The following TTC34 variants were observed in gnomAD, a reference collection of about 807,000 sequenced individuals.
The protein encoded by TTC34 is tetratricopeptide repeat domain 34.
In TTC34, 44 loss-of-function variants were observed where a neutral mutation model predicts 40.7. The ratio of observed to expected loss-of-function variants is 1.08; its 90% CI spans 0.85 to 1.39. The LOEUF (loss-of-function observed/expected upper bound fraction) is 1.39. TTC34 is among the 40% of genes most tolerant of loss of function. The pLI is 0.00. For synonymous variants in TTC34, 422 were observed against 398.6 expected (o/e 1.06, Z -0.70); for missense variants, 884 against 838.0 (o/e 1.05, Z -0.68).
chr1:2,798,878 C>G (rs529973635), intron 2 of TTC34, among the ~76,000 whole-genome samples: 4 of 131,110 alleles, frequency 3.1e-5, no homozygotes, highest in Non-Finnish European at 6.4e-5. Flanking sequence ...AGCCTCCAAG[C>G]CTCCCAGCCC....
chr1:2,793,397 C>T (rs954835271), intron 2 of TTC34, among the ~76,000 whole-genome samples: 9 of 152,196 alleles, frequency 5.9e-5, no homozygotes, highest in African/African-American at 2.2e-4. Flanking sequence ...TTTATCTGCT[C>T]ATTGTATATT....
chr1:2,774,707 C>G (rs1642906471), intron 6 of TTC34: 1 of 56,922 alleles, frequency 1.8e-5, no homozygotes, highest in Non-Finnish European at 3.6e-5. Flanking sequence ...CCCACACCCC[C>G]AGGTGAGCAT....
At position 2,693,951 on chromosome 1, in the gene TTC34, C is replaced by A. The variant is rs1266122912; in HGVS notation, c.2227-48388G>T. Among the ~76,000 whole-genome samples the A allele has an allele frequency of 2.8e-5, 2 of 72,160 alleles. 1 individual carries two copies. The highest frequency in any genetic ancestry group is 1.1e-4 in the African/African-American group (2 of 18,378). 47.3% of individuals were successfully genotyped at this position (72,160 alleles called of 152,430 possible). A position where few individuals can be genotyped will look rare whatever the true frequency, so the allele number is the denominator to read the frequency against. On this transcript the variant is annotated intron_variant, in intron 6 of 8. Coordinates refer to ENST00000401095, the Ensembl canonical transcript of TTC34. The stretch of plus-strand genomic sequence containing the variant: ...AGCCTCGAACAGCACCCTGCACCCC[C>A]AGGGGAGCATCTGACAGCCTGGAAC...
In TTC34 at chr1:2,676,866, ATCGTGGAGCC is replaced by A. The variant is rs1639921131; in HGVS notation, c.2227-31313_2227-31304del. 3.1e-4 allele frequency among the ~76,000 whole-genome samples: 21 copies of A among 67,180 alleles called. 2 individuals are homozygous for A. In the South Asian group the frequency reaches 0.011, roughly 36 times the overall value. 44.1% of individuals were successfully genotyped at this position (67,180 alleles called of 152,430 possible). On this transcript the variant is annotated intron_variant, in intron 6 of 8. Transcript: ENST00000401095. ...CCACACCCCCAGGTGAGCATCTGACATCGTGGAGCCGCACCCCACACCCACAGGTGAGCAT... is the reference window on the plus strand; with the variant it reads ...CCACACCCCCAGGTGAGCATCTGACAGCACCCCACACCCACAGGTGAGCAT...
exon 9 of TTC34, chr1:2,641,586 G>A: frequency 6.5e-7 from 1 of 1,533,348 alleles, no homozygotes; most frequent in South Asian, 1.2e-5. Context: ...GCCAAGGAGG[G>A]CGCCAGCTTC....
chr1:2,769,788 A>C (rs1642001359), intron 6 of TTC34, among the ~76,000 whole-genome samples: 2 of 119,606 alleles, frequency 1.7e-5, no homozygotes, highest in Admixed American at 8.2e-5. Context: ...AGCAGCGCCC[A>C]CACCCCCAGG....
chr1:2,646,798 C>T (rs1639028307), intron 6 of TTC34, among the ~76,000 whole-genome samples: 1 of 152,256 alleles, frequency 6.6e-6, no homozygotes, highest in South Asian at 2.1e-4. Context: ...TATCAGGCAT[C>T]AGTTCTCTTC....
chr1:2,642,871 C>T lies in TTC34; in HGVS notation c.2713-976G>A, dbSNP rs557793756. ...ACGGCCCCGGCTTTGCTGCTGGGCT[C>T]CCGCAGGGCACAGTGTGGCCTCTTC... On this transcript the variant is annotated intron_variant, in intron 8 of 8. Transcript: ENST00000401095. Among the ~76,000 whole-genome samples the T allele has an allele frequency of 9.2e-5, 14 of 152,350 alleles. No homozygotes were observed. The East Asian group carries it at 2.7e-3, about 29-fold the overall frequency.
Position 2,645,643 on chromosome 1 carries a change from CTCTG to C in TTC34, c.2227-84_2227-81del, listed in dbSNP as rs1639007973. 3.0e-6 allele frequency: 4 copies of C among 1,341,360 alleles called. No individual in the cohort carries two copies. The South Asian group carries it at 5.0e-5, about 17-fold the overall frequency. 83.1% of individuals were successfully genotyped at this position (1,341,360 alleles called of 1,614,324 possible). On this transcript the variant is annotated intron_variant, in intron 6 of 8. Transcript: ENST00000401095. This position sits in a 1 kb window ranked among gnomAD's most constrained non-coding sequence, Gnocchi z 4.7. ...CAGAGGGTCAGAGTAGGAGGACTGG[CTCTG>C]TCTTTCTCATTCCCTGATCTTCTCC...
intron 6 of TTC34, among the ~76,000 whole-genome samples, chr1:2,656,068 T>A: frequency 6.6e-6 from 1 of 151,914 alleles, no homozygotes; most frequent in Non-Finnish European, 1.5e-5. Context: ...CAGGTGCGCA[T>A]CTGATGGTCT....
At chr1:2,767,918 G>A (rs1162791740) in intron 6 of TTC34, among the ~76,000 whole-genome samples, 2 of 145,580 alleles carry the variant, frequency 1.4e-5, no homozygotes, top group East Asian at 2.1e-4. Flanking sequence ...ACCAGAACCT[G>A]CACCACACAC....
chr1:2,700,166 A>C (rs1414757445), intron 6 of TTC34, among the ~76,000 whole-genome samples: 6 of 85,588 alleles, frequency 7.0e-5, no homozygotes, highest in Admixed American at 1.3e-4. Flanking sequence ...GGAGCATCAC[A>C]TACTCCCCCA....
chr1:2,685,239 C>A (rs1157079089), intron 6 of TTC34, among the ~76,000 whole-genome samples: 1 of 96,914 alleles, frequency 1.0e-5, no homozygotes, highest in South Asian at 5.2e-4. Flanking sequence ...GCACCCACAC[C>A]CCAGGTGAGC....
At chr1:2,790,053 C>T (rs917184600) in exon 3 of TTC34, 5 of 397,546 alleles carry the variant, frequency 1.3e-5, no homozygotes, top group Non-Finnish European at 2.2e-5. Context: ...CGAAGCAGGA[C>T]GCGGAGCGCG....
chr1:2,686,274 C>T (rs528813215), intron 6 of TTC34, among the ~76,000 whole-genome samples: 946 of 114,734 alleles, frequency 8.2e-3, no homozygotes, highest in Admixed American at 0.018. Flanking sequence ...TGGAGGAGCA[C>T]CCACACCCCC....
intron 6 of TTC34, among the ~76,000 whole-genome samples, chr1:2,654,060 G>T (rs1358455791): frequency 4.6e-5 from 7 of 151,820 alleles, no homozygotes; most frequent in African/African-American, 1.7e-4. Context: ...CACCAGGTGA[G>T]CATCTGACAG....
chr1:2,789,667 C>T, exon 3 of TTC34: 2 of 1,313,596 alleles, frequency 1.5e-6, no homozygotes, highest in Non-Finnish European at 2.0e-6. Context: ...TGGCGGCCAG[C>T]AGCGCCTCCT....
chr1:2,692,267 T>C (rs143297028), intron 6 of TTC34, among the ~76,000 whole-genome samples: 3,350 of 18,000 alleles, frequency 0.19, no homozygotes, highest in Non-Finnish European at 0.2. Flanking sequence ...ACCCACACCC[T>C]CAGGTGAGCA....
chr1:2,683,794 C>A (rs1272312927), intron 6 of TTC34, among the ~76,000 whole-genome samples: 4 of 150,420 alleles, frequency 2.7e-5, no homozygotes, highest in South Asian at 4.2e-4. Context: ...GCACGCACAC[C>A]CCCAGTTGAG....
Sources: allele counts gnomAD v4.1 joint callset (sites outside exome capture counted in the v4.1 genomes callset), GRCh38; gene constraint gnomAD v4.1.1; non-coding constraint Gnocchi (gnomAD v3.1); transcripts MANE v1.5; gene names NCBI Gene and HGNC (gene_info 2026-07-23, HGNC 2026-07-21).